The following C1orf21 variants were observed in gnomAD, a reference collection of about 807,000 sequenced individuals.
The protein encoded by C1orf21 is uncharacterized protein C1orf21.
C1orf21 carries 3 observed loss-of-function variants against 18.7 expected under a neutral mutation model. The observed-to-expected ratio is 0.16, with a 90% CI of 0.07 to 0.42. The LOEUF (loss-of-function observed/expected upper bound fraction) is 0.42, where lower values mean the gene tolerates loss of function less well. Ranked by LOEUF, C1orf21 falls within the 10% of genes least tolerant of loss-of-function variation. C1orf21 has a pLI of 0.99. For missense variants in C1orf21, 104 were observed against 143.6 expected (o/e 0.72, Z 1.41); for synonymous variants, 41 against 46.4 (o/e 0.88, Z 0.47).
At chr1:184,448,692 A>C (rs34312759) in intron 1 of C1orf21, among the ~76,000 whole-genome samples, 7,565 of 152,244 alleles carry the variant, frequency 0.05, 286 homozygotes, top group Non-Finnish European at 0.071. Context: ...AAGCTCTTTC[A>C]AAGAAATAGT....
intron 3 of C1orf21, chr1:184,542,639 T>G (rs987471942): frequency 6.6e-6 from 1 of 152,148 alleles, no homozygotes; most frequent in Non-Finnish European, 1.5e-5. Context: ...CCTTCCTACA[T>G]GGAGAGGTGG....
intron 3 of C1orf21, among the ~76,000 whole-genome samples, chr1:184,562,343 G>T (rs927890320): frequency 1.3e-5 from 2 of 152,200 alleles, no homozygotes; most frequent in Non-Finnish European, 1.5e-5. Flanking sequence ...TTAAACAGCA[G>T]TTATATAGCA....
chr1:184,528,164 A>T (rs943035241), intron 3 of C1orf21, among the ~76,000 whole-genome samples: 2 of 152,232 alleles, frequency 1.3e-5, no homozygotes, highest in African/African-American at 2.4e-5. Context: ...AGTAAGCAGA[A>T]TTCAGATAAG....
chr1:184,604,807 A>G (rs1659628566), intron 5 of C1orf21, among the ~76,000 whole-genome samples: 1 of 152,224 alleles, frequency 6.6e-6, no homozygotes, highest in South Asian at 2.1e-4. Context: ...GTCAAGGAAA[A>G]TGAGTCAGGC....
chr1:184,627,807 C>T lies in C1orf21; in HGVS notation c.*8251C>T, dbSNP rs1272391070. 1 of 152,170 alleles carries T rather than the reference C, an allele frequency of 6.6e-6. No homozygotes were observed. The highest frequency in any genetic ancestry group is 2.1e-4 in the South Asian group (1 of 4,824). The allele number at this position is 152,170 out of a possible 1,614,324, so 9.4% of individuals were successfully genotyped here. On this transcript the variant is annotated 3_prime_UTR_variant, in exon 6 of 6. Coordinates refer to ENST00000235307, the MANE Select transcript of C1orf21 (RefSeq NM_030806.4). ...GAGCCCCTGGCAGGTCCCCTTAGGG[C>T]CATGTGTTCATGGAATATAAGCCAA... is the stretch of plus-strand genomic sequence containing the variant.
At chr1:184,433,402 G>C (rs1283965578) in intron 1 of C1orf21, among the ~76,000 whole-genome samples, 1 of 152,140 alleles carries the variant, frequency 6.6e-6, no homozygotes, top group African/African-American at 2.4e-5. Context: ...CTGTATGCCT[G>C]TCTTTGTAAA....
rs1659964466 is a variant in C1orf21 at position 184,623,914 on chromosome 1, T to C, written c.*4358T>C. On this transcript the variant is annotated 3_prime_UTR_variant, in exon 6 of 6. Transcript: ENST00000235307. ...AGACTCTTGTACCTTATCTGGAATC[T>C]AATCTTGGGAGAAGAGGAAAAAGGA... The C allele has an allele frequency of 6.5e-6, 1 of 152,680 alleles. No individual in the cohort carries two copies. Among genetic ancestry groups the C allele is most frequent in the Non-Finnish European group, 1.5e-5 (1 of 68,052 alleles). 9.5% of individuals were successfully genotyped at this position (152,680 alleles called of 1,614,324 possible). A position where few individuals can be genotyped will look rare whatever the true frequency, so the allele number is the denominator to read the frequency against.
chr1:184,575,626 A>G (rs1460078032), intron 3 of C1orf21, among the ~76,000 whole-genome samples: 1 of 149,942 alleles, frequency 6.7e-6, no homozygotes, highest in East Asian at 1.9e-4. Flanking sequence ...AAAAAAAAAA[A>G]AAAAAGAAGA....
chr1:184,560,797 C>A (rs186386782), intron 3 of C1orf21, among the ~76,000 whole-genome samples: 3 of 152,250 alleles, frequency 2.0e-5, no homozygotes, highest in Admixed American at 2.0e-4. Flanking sequence ...GCAAAGATGC[C>A]CCTATGAAAT....
rs372752107 is a variant in C1orf21 at position 184,392,687 on chromosome 1, C to A, written c.-125+5319C>A. 2.9e-4 allele frequency among the ~76,000 whole-genome samples: 44 copies of A among 152,292 alleles called. No individual in the cohort carries two copies. In the South Asian group the frequency reaches 7.0e-3, roughly 24 times the overall value. ...AGCATCCAGTGGCTTTCCCCCTATA[C>A]CTGTTCTGTCTCTTGGGCTGGCTTT... On this transcript the variant is annotated intron_variant, in intron 1 of 5. Coordinates refer to ENST00000235307, the MANE Select transcript of C1orf21 (RefSeq NM_030806.4).
chr1:184,574,654 A>C (rs1659161614), intron 3 of C1orf21, among the ~76,000 whole-genome samples: 1 of 152,232 alleles, frequency 6.6e-6, no homozygotes, highest in Non-Finnish European at 1.5e-5. Flanking sequence ...GAATAAGGGC[A>C]AAAGGAAACT....
chr1:184,436,759 G>A (rs1216115462), intron 1 of C1orf21, among the ~76,000 whole-genome samples: 1 of 152,060 alleles, frequency 6.6e-6, no homozygotes, highest in Admixed American at 6.5e-5. Context: ...GGTATTGATT[G>A]GGCTTTGTGC....
chr1:184,423,703 A>C (rs1001998235), intron 1 of C1orf21, among the ~76,000 whole-genome samples: 54 of 152,266 alleles, frequency 3.5e-4, no homozygotes, highest in African/African-American at 1.3e-3. Context: ...GGGGAAGTTC[A>C]CTTCTTCCTT....
chr1:184,444,829 G>A (rs994200854), intron 1 of C1orf21, among the ~76,000 whole-genome samples: 75 of 152,236 alleles, frequency 4.9e-4, no homozygotes, highest in African/African-American at 1.7e-3. Context: ...TAAGTACTTA[G>A]GAGGTGCTAA....
chr1:184,537,936 A>G (rs1244287576), intron 3 of C1orf21, among the ~76,000 whole-genome samples: 2 of 152,204 alleles, frequency 1.3e-5, no homozygotes, highest in Non-Finnish European at 2.9e-5. Flanking sequence ...GGAGTGAGCT[A>G]CCGCACCTAG....
chr1:184,446,056 A>C (rs1002484617), intron 1 of C1orf21, among the ~76,000 whole-genome samples: 4 of 152,206 alleles, frequency 2.6e-5, no homozygotes, highest in Non-Finnish European at 5.9e-5. Flanking sequence ...TAATTTTGAC[A>C]ATTTTAATGA....
chr1:184,445,170 G>A (rs1029597843), intron 1 of C1orf21, among the ~76,000 whole-genome samples: 48 of 152,206 alleles, frequency 3.2e-4, no homozygotes, highest in South Asian at 1.7e-3. Flanking sequence ...GAGGACTGAC[G>A]TTAGTTTCCA....
intron 2 of C1orf21, among the ~76,000 whole-genome samples, chr1:184,482,810 G>C (rs1345949918): frequency 6.6e-6 from 1 of 152,118 alleles, no homozygotes; most frequent in African/African-American, 2.4e-5. Context: ...CAGGAGCTTT[G>C]ATGCCCAATG....
In C1orf21 at chr1:184,516,699, A is replaced by G. The variant is rs1480172367; in HGVS notation, c.189+9017A>G. ...GATCTTGTGAGACTTATTCACTACC[A>G]TGAGAACAGTATGGGGGAAACTGCC... On this transcript the variant is annotated intron_variant, in intron 3 of 5. Coordinates refer to ENST00000235307, the MANE Select transcript of C1orf21 (RefSeq NM_030806.4). Among the ~76,000 whole-genome samples, 3 of 152,188 alleles carry G rather than the reference A, an allele frequency of 2.0e-5. No individual in the cohort carries two copies. In the East Asian group the frequency reaches 5.8e-4, roughly 29 times the overall value.
Sources: gnomAD v4.1 joint callset for allele counts (sites outside exome capture counted in the v4.1 genomes callset) on GRCh38, gnomAD v4.1.1 for gene constraint, MANE v1.5 for transcripts, NCBI Gene and HGNC (gene_info 2026-07-23, HGNC 2026-07-21) for gene names.